Variants in IGF1R observed in about 807,000 individuals in gnomAD.
The protein encoded by IGF1R is insulin-like growth factor 1 receptor.
IGF1R carries 44 observed loss-of-function variants against 144.6 expected under a neutral mutation model. The ratio of observed to expected loss-of-function variants is 0.30; its 90% CI spans 0.24 to 0.39. The LOEUF (loss-of-function observed/expected upper bound fraction) is 0.39, where lower values mean the gene tolerates loss of function less well. Ranked by LOEUF, IGF1R falls within the 10% of genes least tolerant of loss-of-function variation. IGF1R has a pLI of 1.00. For missense variants in IGF1R, 1,355 were observed against 1,833.7 expected (o/e 0.74, Z 4.77); for synonymous variants, 795 against 722.8 (o/e 1.10, Z -1.60).
intron 2 of IGF1R, among the ~76,000 whole-genome samples, chr15:98,810,439 G>A (rs951195673): frequency 1.3e-5 from 2 of 152,082 alleles, no homozygotes; most frequent in African/African-American, 4.8e-5. Flanking sequence ...TTAATCTTGA[G>A]GAAAGCAATA....
At position 98,959,379 on chromosome 15, in the gene IGF1R, C is replaced by T. The variant is rs960809693; in HGVS notation, c.*1937C>T. On this transcript the variant is annotated 3_prime_UTR_variant, in exon 21 of 21. Transcript: ENST00000650285. ...CTGTTGTGGCCCTCGCCACCCCCCT[C>T]ACCGGACCGACTGACCTGTCTTTGG... The T allele has an allele frequency of 1.3e-5, 3 of 233,696 alleles. No individual in the cohort carries two copies. The highest frequency in any genetic ancestry group is 6.6e-5 in the African/African-American group (3 of 45,364). The allele number at this position is 233,696 out of a possible 1,614,324, so 14.5% of individuals were successfully genotyped here.
intron 2 of IGF1R, among the ~76,000 whole-genome samples, chr15:98,728,637 G>A (rs2054422638): frequency 6.6e-6 from 1 of 152,248 alleles, no homozygotes; most frequent in African/African-American, 2.4e-5. Flanking sequence ...CCAGTGAGGT[G>A]CCTATGCTGA....
intron 2 of IGF1R, chr15:98,880,514 A>AAG (rs1253186868): frequency 6.6e-6 from 1 of 152,218 alleles, no homozygotes. Flanking sequence ...TCAGCAGCCA[A>AAG]ACCTTGTGGC....
chr15:98,658,824 C>A (rs958809038), intron 1 of IGF1R, among the ~76,000 whole-genome samples: 3 of 152,172 alleles, frequency 2.0e-5, no homozygotes, highest in African/African-American at 7.2e-5. Context: ...TTTATTAGGA[C>A]CATGGAGCCA....
At chr15:98,900,920 T>C (rs544606029) in intron 5 of IGF1R, among the ~76,000 whole-genome samples, 6 of 152,350 alleles carry the variant, frequency 3.9e-5, no homozygotes, top group South Asian at 2.1e-4. Flanking sequence ...CTTAATGATA[T>C]ACTTTTTTGT....
At chr15:98,943,747 T>A (rs2016450605) in intron 19 of IGF1R, among the ~76,000 whole-genome samples, 1 of 152,262 alleles carries the variant, frequency 6.6e-6, no homozygotes, top group African/African-American at 2.4e-5. Context: ...CACAGGCACC[T>A]TCTAGAATAT....
Position 98,814,278 on chromosome 15 carries a change from C to G in IGF1R, c.641-77047C>G, listed in dbSNP as rs1177718473. Among the ~76,000 whole-genome samples the G allele has an allele frequency of 4.0e-5, 6 of 151,680 alleles. No individual in the cohort carries two copies. The East Asian group carries it at 1.2e-3, about 29-fold the overall frequency. On this transcript the variant is annotated intron_variant, in intron 2 of 20. Transcript: ENST00000650285. ...ATACATCACTTTGGAGCAACACTTA[C>G]CAGGCAGTGAAAGCTTTTTTTAATG...
At chr15:98,926,707 A>G (rs527984707) in intron 13 of IGF1R, among the ~76,000 whole-genome samples, 1 of 152,354 alleles carries the variant, frequency 6.6e-6, no homozygotes, top group East Asian at 1.9e-4. Context: ...GGTGAATAGA[A>G]CTGCAAATCT....
intron 2 of IGF1R, among the ~76,000 whole-genome samples, chr15:98,768,412 C>T (rs971397710): frequency 4.0e-5 from 6 of 151,208 alleles, no homozygotes; most frequent in African/African-American, 2.4e-5. Context: ...GTCAGGAGAT[C>T]GAGACCATCC....
rs368811898 is a variant in IGF1R at position 98,724,926 on chromosome 15, C to A, written c.640+16819C>A. Among the ~76,000 whole-genome samples, 4 of 152,308 alleles carry A rather than the reference C, an allele frequency of 2.6e-5. No homozygotes were observed. The South Asian group carries it at 8.3e-4, about 32-fold the overall frequency. ...AACCTCTGTACTCCATGGGCATTTT[C>A]TAGGAAATAATTTCACCTGCCCTGT... is the stretch of plus-strand genomic sequence containing the variant. On this transcript the variant is annotated intron_variant, in intron 2 of 20. Transcript: ENST00000650285.
chr15:98,923,896 G>A lies in IGF1R; in HGVS notation c.2506G>A (p.Gly836Arg). The change falls in exon 12 of 21, where the codon GGG (glycine) becomes AGG (arginine). Residue 836 changes from glycine to arginine, a missense_variant. Around this residue, in one of 7 missense-constraint regions of IGF1R, gnomAD observed 880 missense variants for 1,202.7 expected, o/e 0.73. Coordinates refer to ENST00000650285, the MANE Select transcript of IGF1R (RefSeq NM_000875.5). ...MPAEGADDIPGPVTWEPRPEN... is the reference protein window; with the variant it reads ...MPAEGADDIPRPVTWEPRPEN... ...TACAGAAGGAGCAGATGACATTCCTGGGCCAGTGACCTGGGAGCCAAGGCC... is the reference window on the plus strand; with the variant it reads ...TACAGAAGGAGCAGATGACATTCCTAGGCCAGTGACCTGGGAGCCAAGGCC... The A allele has an allele frequency of 6.2e-7, 1 of 1,613,740 alleles. No homozygotes were observed. Among genetic ancestry groups the A allele is most frequent in the East Asian group, 2.2e-5 (1 of 44,880 alleles).
intron 1 of IGF1R, among the ~76,000 whole-genome samples, chr15:98,692,993 T>C (rs2053513273): frequency 6.6e-6 from 1 of 152,186 alleles, no homozygotes; most frequent in Admixed American, 6.5e-5. Context: ...CTTTGTCCCA[T>C]GTCCCTTTGT....
At chr15:98,888,351 G>A (rs933138815) in intron 2 of IGF1R, among the ~76,000 whole-genome samples, 1 of 151,978 alleles carries the variant, frequency 6.6e-6, no homozygotes, top group African/African-American at 2.4e-5. Context: ...TGTTTCTTTA[G>A]ATCTTGGACC....
chr15:98,957,485 G>A lies in IGF1R; in HGVS notation c.*43G>A, dbSNP rs56403719. The stretch of plus-strand genomic sequence containing the variant: ...TGTGCAAACAGTAACGTGTGCGCAC[G>A]CGCAGCGGGGTGGGGGGGGAGAGAG... On this transcript the variant is annotated 3_prime_UTR_variant, in exon 21 of 21. Coordinates refer to ENST00000650285, the MANE Select transcript of IGF1R (RefSeq NM_000875.5). The A allele has an allele frequency of 2.9e-3, 4,627 of 1,610,478 alleles. 19 individuals carry two copies. Among genetic ancestry groups the A allele is most frequent in the Non-Finnish European group, 3.4e-3 (3,998 of 1,178,960 alleles).
intron 1 of IGF1R, among the ~76,000 whole-genome samples, chr15:98,699,576 G>A (rs952650006): frequency 4.6e-5 from 7 of 152,150 alleles, no homozygotes; most frequent in African/African-American, 1.4e-4. Flanking sequence ...CCAATTCTGC[G>A]CCAGTCTGTT....
At position 98,918,283 on chromosome 15, in the gene IGF1R, C is replaced by T. The variant is rs1307137078; in HGVS notation, c.2201+1407C>T. Reference sequence around the variant, plus strand: ...CCCGCTGCCAGCACCCCACCCAGCACGTTCCCTTCCCCTCACTGCCCCCGA... The same window carrying T: ...CCCGCTGCCAGCACCCCACCCAGCATGTTCCCTTCCCCTCACTGCCCCCGA... On this transcript the variant is annotated intron_variant, in intron 10 of 20. Coordinates refer to ENST00000650285, the MANE Select transcript of IGF1R (RefSeq NM_000875.5). Among the ~76,000 whole-genome samples the T allele has an allele frequency of 3.3e-5, 5 of 152,146 alleles. No homozygotes were observed. In the East Asian group the frequency reaches 5.8e-4, roughly 18 times the overall value.
chr15:98,960,822 C>T lies in IGF1R; in HGVS notation c.*3380C>T, dbSNP rs902849628. The T allele has an allele frequency of 7.3e-5, 17 of 233,880 alleles. No homozygotes were observed. The highest frequency in any genetic ancestry group is 3.3e-4 in the African/African-American group (15 of 45,460). The allele number at this position is 233,880 out of a possible 1,614,324, so 14.5% of individuals were successfully genotyped here. On this transcript the variant is annotated 3_prime_UTR_variant, in exon 21 of 21. Transcript: ENST00000650285. ...GCTGCCCTCTCAACTTCTCCCTCAC[C>T]TCCTTCCCTAGGGGTAGACAGAGAT...
At chr15:98,797,424 T>C (rs1035487139) in intron 2 of IGF1R, among the ~76,000 whole-genome samples, 2 of 152,244 alleles carry the variant, frequency 1.3e-5, no homozygotes, top group African/African-American at 4.8e-5. Context: ...GTTGTTCATA[T>C]GTGGTGACAG....
intron 1 of IGF1R, among the ~76,000 whole-genome samples, chr15:98,694,902 C>G (rs965911357): frequency 6.6e-6 from 1 of 152,052 alleles, no homozygotes; most frequent in East Asian, 1.9e-4. Flanking sequence ...GTGGAGATAA[C>G]GAAGGGAATG....
Sources: gnomAD v4.1 joint callset for allele counts (sites outside exome capture counted in the v4.1 genomes callset) on GRCh38, gnomAD v4.1.1 for gene constraint, gnomAD v4.1.1 regional missense constraint, MANE v1.5 for transcripts, NCBI Gene and HGNC (gene_info 2026-07-23, HGNC 2026-07-21) for gene names.